The following CGNL1 variants were observed in gnomAD, a reference collection of about 807,000 sequenced individuals.
CGNL1 encodes cingulin-like protein 1.
A neutral mutation model predicts 141.2 loss-of-function variants in CGNL1; 132 were observed. That is an observed-to-expected ratio of 0.93 (90% CI 0.81 to 1.08). CGNL1 has a LOEUF of 1.08. Ranked by LOEUF, CGNL1 falls within the 50% of genes least tolerant of loss-of-function variation. The pLI is 0.00. For missense variants in CGNL1, 1,870 were observed against 1,588.6 expected (o/e 1.18, Z -3.01); for synonymous variants, 690 against 622.1 (o/e 1.11, Z -1.63).
In CGNL1 at chr15:57,499,238, C is replaced by CTTT. The variant is rs201081475; in HGVS notation, c.2404-17520_2404-17518dup. On this transcript the variant is annotated intron_variant, in intron 8 of 18. Coordinates refer to ENST00000281282, the MANE Select transcript of CGNL1 (RefSeq NM_032866.5). ...GGAACTCATGAAATAAAGTTAATGGCTTTTTTTTTTTTTTTTTTTTTTTTG... is the reference window on the plus strand; with the variant it reads ...GGAACTCATGAAATAAAGTTAATGGCTTTTTTTTTTTTTTTTTTTTTTTTTTTG... Among the ~76,000 whole-genome samples the CTTT allele has an allele frequency of 1.0e-3, 92 of 91,820 alleles. 2 individuals carry two copies. The highest frequency in any genetic ancestry group is 3.2e-3 in the African/African-American group (65 of 20,148). The allele number at this position is 91,820 out of a possible 152,430, so 60.2% of individuals were successfully genotyped here.
intron 8 of CGNL1, among the ~76,000 whole-genome samples, chr15:57,498,953 G>T (rs370128985): frequency 6.6e-6 from 1 of 152,096 alleles, no homozygotes; most frequent in Admixed American, 6.5e-5. Context: ...AAGGAGATTT[G>T]TTTTTTATTT....
At chr15:57,422,829 A>G (rs1023678774) in intron 1 of CGNL1, among the ~76,000 whole-genome samples, 1 of 152,218 alleles carries the variant, frequency 6.6e-6, no homozygotes. Flanking sequence ...GGTGATGGAC[A>G]TGGAAATAGA....
At chr15:57,451,921 C>A (rs2152322060) in intron 5 of CGNL1, among the ~76,000 whole-genome samples, 1 of 152,220 alleles carries the variant, frequency 6.6e-6, no homozygotes, top group East Asian at 1.9e-4. Flanking sequence ...TGAGGTTTGG[C>A]TGTGTTTGTG....
chr15:57,511,038 T>C (rs1428978186), intron 8 of CGNL1, among the ~76,000 whole-genome samples: 2 of 152,138 alleles, frequency 1.3e-5, no homozygotes, highest in African/African-American at 2.4e-5. Context: ...CCTGTGACCA[T>C]TGATGGTCAG....
chr15:57,391,367 A>G lies in CGNL1; in HGVS notation c.-16+14800A>G, dbSNP rs142971856. ...GCAGCCTTGCTGTTACTGCTTTGCA[A>G]TGGGCCATTTCTTTAGTGAAGAGCT... On this transcript the variant is annotated intron_variant, in intron 1 of 18. Transcript: ENST00000281282. Among the ~76,000 whole-genome samples, 5 of 152,320 alleles carry G rather than the reference A, an allele frequency of 3.3e-5. No homozygotes were observed. In the East Asian group the frequency reaches 7.7e-4, roughly 24 times the overall value.
chr15:57,395,938 AT>A (rs1424218257), intron 1 of CGNL1, among the ~76,000 whole-genome samples: 1 of 152,128 alleles, frequency 6.6e-6, no homozygotes, highest in African/African-American at 2.4e-5. Context: ...CCTGATTGTT[AT>A]TTTTCAACAA....
At chr15:57,471,972 T>C (rs2063587456) in intron 8 of CGNL1, among the ~76,000 whole-genome samples, 1 of 152,042 alleles carries the variant, frequency 6.6e-6, no homozygotes, top group Non-Finnish European at 1.5e-5. Flanking sequence ...GGTGTGGTTG[T>C]GCACCCTGTA....
intron 4 of CGNL1, among the ~76,000 whole-genome samples, chr15:57,450,794 T>A (rs2063312781): frequency 6.6e-6 from 1 of 152,186 alleles, no homozygotes; most frequent in Non-Finnish European, 1.5e-5. Flanking sequence ...TAGTTTTTGC[T>A]GGGAGGGTAA....
rs759389892 is a variant in CGNL1 at position 57,439,273 on chromosome 15, G to T, written c.1274G>T (p.Cys425Phe). 72 of 1,613,940 alleles carry T rather than the reference G, an allele frequency of 4.5e-5. No individual in the cohort carries two copies. The highest frequency in any genetic ancestry group is 8.5e-7 in the Non-Finnish European group (1 of 1,180,050). The stretch of plus-strand genomic sequence containing the variant: ...CACCTCCTCCGGCCTTCCCAGGTGT[G>T]CCCGCAGCGGCCACTGTCTCAGGAG... Reference protein sequence around the residue: ...SEHLLRPSQVCPQRPLSQERR... With the variant: ...SEHLLRPSQVFPQRPLSQERR... The change falls in exon 2 of 19, where the codon TGC (cysteine) becomes TTC (phenylalanine). Residue 425 changes from cysteine (C) to phenylalanine (F), a missense_variant. Coordinates refer to ENST00000281282, the MANE Select transcript of CGNL1 (RefSeq NM_032866.5).
At chr15:57,455,588 G>T (rs1182766986) in intron 7 of CGNL1, among the ~76,000 whole-genome samples, 1 of 152,074 alleles carries the variant, frequency 6.6e-6, no homozygotes, top group African/African-American at 2.4e-5. Context: ...AATCACTTTT[G>T]CTTCTTTCCG....
chr15:57,429,417 C>A (rs73419905), intron 1 of CGNL1, among the ~76,000 whole-genome samples: 3,068 of 152,302 alleles, frequency 0.02, 87 homozygotes, highest in African/African-American at 0.069. Flanking sequence ...GAGGAGGATT[C>A]TGAAGCCAGA....
intron 1 of CGNL1, among the ~76,000 whole-genome samples, chr15:57,420,331 C>A (rs2062900030): frequency 1.3e-5 from 2 of 152,296 alleles, no homozygotes; most frequent in East Asian, 1.9e-4. Context: ...GATGTGTACA[C>A]TAGCCTGTGT....
chr15:57,493,778 C>T (rs973623164), intron 8 of CGNL1, among the ~76,000 whole-genome samples: 4 of 152,156 alleles, frequency 2.6e-5, no homozygotes, highest in Non-Finnish European at 4.4e-5. Context: ...TTCTCAGATT[C>T]GATGCTGTTC....
intron 8 of CGNL1, among the ~76,000 whole-genome samples, chr15:57,472,420 GAGAC>G (rs1333110876): frequency 6.6e-6 from 1 of 152,166 alleles, no homozygotes; most frequent in African/African-American, 2.4e-5. Context: ...TTTAGAGAGA[GAGAC>G]AGACAGACAA....
At chr15:57,436,537 C>T (rs1301632963) in intron 1 of CGNL1, among the ~76,000 whole-genome samples, 2 of 150,972 alleles carry the variant, frequency 1.3e-5, no homozygotes, top group Non-Finnish European at 2.9e-5. Flanking sequence ...TCTTAAGCTG[C>T]TATGTGGGGA....
chr15:57,419,170 T>C (rs374548998), intron 1 of CGNL1, among the ~76,000 whole-genome samples: 68 of 152,222 alleles, frequency 4.5e-4, no homozygotes, highest in African/African-American at 1.4e-3. Context: ...GACCTTGTGA[T>C]CCACCTGCCT....
At chr15:57,477,258 C>T (rs544505518) in intron 8 of CGNL1, among the ~76,000 whole-genome samples, 11 of 152,254 alleles carry the variant, frequency 7.2e-5, no homozygotes, top group Admixed American at 5.2e-4. Context: ...TTCAGGGAGA[C>T]GTGGTGCAGG....
intron 2 of CGNL1, 94 bp from the exon 3 acceptor site, chr15:57,440,283 C>G: frequency 1.2e-6 from 1 of 853,900 alleles, no homozygotes; most frequent in South Asian, 1.5e-5. Context: ...TTGTAACTGG[C>G]TCTAAGAAGG....
intron 1 of CGNL1, among the ~76,000 whole-genome samples, chr15:57,428,468 G>A (rs921125927): frequency 3.9e-5 from 6 of 152,168 alleles, no homozygotes; most frequent in South Asian, 2.1e-4. Context: ...GGCTGGCCTC[G>A]TGGAGGGATG....
Sources: allele counts gnomAD v4.1 joint callset (sites outside exome capture counted in the v4.1 genomes callset), GRCh38; gene constraint gnomAD v4.1.1; transcripts MANE v1.5; gene names NCBI Gene and HGNC (gene_info 2026-07-23, HGNC 2026-07-21).